The following FOXN3 variants were observed in gnomAD, a reference collection of about 807,000 sequenced individuals.
FOXN3 encodes forkhead box N3, also known as forkhead box protein N3.
A neutral mutation model predicts 38.4 loss-of-function variants in FOXN3; 7 were observed. That is an observed-to-expected ratio of 0.18 (90% CI 0.10 to 0.34). FOXN3 has a LOEUF of 0.34. Among genes scored for constraint, FOXN3 ranks in the 10% least tolerant of loss-of-function variants. The probability of loss-of-function intolerance (pLI) is 1.00; values close to 1 mark genes in which losing one functional copy is unlikely to be tolerated. For missense variants in FOXN3, 456 were observed against 613.4 expected (o/e 0.74, Z 2.71); for synonymous variants, 230 against 242.2 (o/e 0.95, Z 0.47).
rs147170992 is a variant in FOXN3, at chr14:89,308,057, G to A, written c.681-27043C>T. Among the ~76,000 whole-genome samples, 908 of 152,310 alleles carry A rather than the reference G, an allele frequency of 6.0e-3. 3 individuals are homozygous for A. The highest frequency in any genetic ancestry group is 0.014 in the Middle Eastern group (4 of 294). On this transcript the variant is annotated intron_variant, in intron 3 of 5. Transcript: ENST00000557258. Reference sequence around the variant, plus strand: ...AGGTGGGCGGATCATCTGAGGTCAGGAGTTCAAGACCAGCCTGGGCAACAT... The same window carrying A: ...AGGTGGGCGGATCATCTGAGGTCAGAAGTTCAAGACCAGCCTGGGCAACAT...
intron 1 of FOXN3, among the ~76,000 whole-genome samples, chr14:89,522,779 C>T (rs402023): frequency 0.37 from 56,124 of 150,692 alleles, 10,814 homozygotes; most frequent in East Asian, 0.61. Flanking sequence ...AAAAAGAATA[C>T]TCAATCCAAA....
chr14:89,594,020 CTA>C lies in FOXN3; in HGVS notation c.-15+25006_-15+25007del, dbSNP rs1026469293. 5.1e-4 allele frequency among the ~76,000 whole-genome samples: 77 copies of C among 152,202 alleles called. 2 individuals carry two copies. The highest frequency in any genetic ancestry group is 5.0e-3 in the Admixed American group (76 of 15,280). ...AATGAGACTCATCCAGGTTGTGTAG[CTA>C]TAGTTTGTTTTTATCGGTATGTCAC... On this transcript the variant is annotated intron_variant, in intron 1 of 6. Transcript: ENST00000345097.
intron 1 of FOXN3, among the ~76,000 whole-genome samples, chr14:89,579,022 A>G (rs1424203686): frequency 6.6e-6 from 1 of 151,842 alleles, no homozygotes; most frequent in African/African-American, 2.4e-5. Flanking sequence ...GAATTTTTTA[A>G]ATTTTTTTCT....
chr14:89,206,253 G>C (rs1276172370), intron 4 of FOXN3, among the ~76,000 whole-genome samples: 4 of 152,156 alleles, frequency 2.6e-5, no homozygotes, highest in Non-Finnish European at 5.9e-5. Flanking sequence ...GAATAAAGGA[G>C]GCCCAAGCGT....
At chr14:89,381,441 T>C (rs1890642952) in intron 2 of FOXN3, among the ~76,000 whole-genome samples, 1 of 148,016 alleles carries the variant, frequency 6.8e-6, no homozygotes, top group Admixed American at 7.0e-5. Context: ...CTCCAACTAA[T>C]TCTAACATTG....
chr14:89,580,244 T>C (rs1895717228), intron 1 of FOXN3, among the ~76,000 whole-genome samples: 2 of 152,176 alleles, frequency 1.3e-5, no homozygotes, highest in Non-Finnish European at 2.9e-5. Context: ...ATCTCTAAAA[T>C]GGATGAACAA....
At chr14:89,524,051 A>ACACT (rs2139825429) in intron 1 of FOXN3, among the ~76,000 whole-genome samples, 1 of 145,780 alleles carries the variant, frequency 6.9e-6, no homozygotes, top group South Asian at 2.4e-4. Flanking sequence ...GTGAGCCACC[A>ACACT]CGCCTAGCCA....
intron 3 of FOXN3, among the ~76,000 whole-genome samples, chr14:89,336,288 C>T (rs11627118): frequency 0.19 from 27,115 of 142,524 alleles, 2,810 homozygotes; most frequent in South Asian, 0.31. Flanking sequence ...TTCCTCCCCA[C>T]GCCTCCCCCA....
At chr14:89,224,548 A>G (rs1464047913) in intron 4 of FOXN3, among the ~76,000 whole-genome samples, 1 of 152,198 alleles carries the variant, frequency 6.6e-6, no homozygotes, top group African/African-American at 2.4e-5. Context: ...ATCTTCAATA[A>G]CAACTTATTG....
intron 3 of FOXN3, among the ~76,000 whole-genome samples, chr14:89,316,916 T>C (rs1303226693): frequency 6.7e-6 from 1 of 149,420 alleles, no homozygotes. Context: ...CTGCCAGCCT[T>C]GGCCTCCCAA....
chr14:89,444,029 A>AAG (rs10687955), intron 1 of FOXN3, among the ~76,000 whole-genome samples: 2 of 150,330 alleles, frequency 1.3e-5, no homozygotes, highest in African/African-American at 4.9e-5. Flanking sequence ...AAAAAAAAAA[A>AAG]GCATACTTGG....
chr14:89,417,827 C>T (rs1399768352), upstream of FOXN3: 1 of 445,314 alleles, frequency 2.2e-6, no homozygotes, highest in Non-Finnish European at 4.5e-6. Flanking sequence ...CCCAGGTGGC[C>T]GCGTGTCTCC....
At chr14:89,554,232 C>T (rs1288906482) in intron 1 of FOXN3, among the ~76,000 whole-genome samples, 3 of 152,074 alleles carry the variant, frequency 2.0e-5, no homozygotes, top group African/African-American at 7.2e-5. Context: ...GAACTCCTGA[C>T]CTCGTGATCC....
At chr14:89,515,022 C>G (rs1250363926) in intron 1 of FOXN3, among the ~76,000 whole-genome samples, 2 of 151,882 alleles carry the variant, frequency 1.3e-5, no homozygotes, top group Admixed American at 1.3e-4. Context: ...GGAGTTCAAG[C>G]AATTCTCCTG....
chr14:89,304,059 G>T (rs1467322384), intron 3 of FOXN3, among the ~76,000 whole-genome samples: 1 of 152,182 alleles, frequency 6.6e-6, no homozygotes, highest in Non-Finnish European at 1.5e-5. Context: ...CTTCTTGCCG[G>T]TGATCACTCT....
chr14:89,584,963 G>A (rs1377135384), intron 1 of FOXN3, among the ~76,000 whole-genome samples: 1 of 152,088 alleles, frequency 6.6e-6, no homozygotes, highest in South Asian at 2.1e-4. Context: ...TGATCCGCCC[G>A]CCTCAGCCTC....
In FOXN3 at chr14:89,403,103, A is replaced by G. The variant is rs548103392; in HGVS notation, c.543+8831T>C. Among the ~76,000 whole-genome samples, 88 of 152,334 alleles carry G rather than the reference A, an allele frequency of 5.8e-4. 1 individual carries two copies. In the South Asian group the frequency reaches 0.012, roughly 21 times the overall value. ...TCGGCACACTTCCAGTACTTACGGT[A>G]ACTTATTCTTTTTTATTTTGCATTA... On this transcript the variant is annotated intron_variant, in intron 2 of 5. Coordinates refer to ENST00000557258, the MANE Select transcript of FOXN3 (RefSeq NM_005197.4).
chr14:89,288,706 CTCTCTCTCTCTCTCTCTCTATA>C (rs1886738152), intron 3 of FOXN3, among the ~76,000 whole-genome samples: 8 of 87,706 alleles, frequency 9.1e-5, no homozygotes, highest in African/African-American at 4.5e-4. Flanking sequence ...CTCTCTCTCT[CTCTCTCTCTCTCTCTCTCTATA>C]TATATATATA....
At chr14:89,415,188 C>T (rs1891661355) in intron 1 of FOXN3, among the ~76,000 whole-genome samples, 1 of 152,200 alleles carries the variant, frequency 6.6e-6, no homozygotes, top group Non-Finnish European at 1.5e-5. Context: ...CTGAAGTCAA[C>T]TTTAGCTCTA....
Sources: allele counts gnomAD v4.1 joint callset (sites outside exome capture counted in the v4.1 genomes callset), GRCh38; gene constraint gnomAD v4.1.1; transcripts MANE v1.5; gene names NCBI Gene and HGNC (gene_info 2026-07-23, HGNC 2026-07-21).